ZNF618: variants seen among roughly 807,000 people sequenced by gnomAD.
ZNF618 encodes the protein neural precursor cell expressed, developmentally down-regulated 10.
In ZNF618, 34 loss-of-function variants were observed where a neutral mutation model predicts 103.0. The observed-to-expected ratio is 0.33, with a 90% confidence interval of 0.25 to 0.44. ZNF618 has a LOEUF of 0.44. Ranked by LOEUF, ZNF618 falls within the 20% of genes least tolerant of loss-of-function variation. The pLI, the probability that ZNF618 is intolerant of heterozygous loss-of-function variation, is 1.00. For missense variants in ZNF618, 1,059 were observed against 1,295.4 expected (o/e 0.82, Z 2.80); for synonymous variants, 551 against 542.2 (o/e 1.02, Z -0.23).
intron 1 of ZNF618, among the ~76,000 whole-genome samples, chr9:113,880,944 C>T (rs927319301): frequency 6.6e-6 from 1 of 152,126 alleles, no homozygotes; most frequent in Non-Finnish European, 1.5e-5. Context: ...GTGTCCTGTG[C>T]CACATATTTT....
chr9:113,982,680 C>CA (rs556032539), intron 2 of ZNF618, among the ~76,000 whole-genome samples: 1 of 152,138 alleles, frequency 6.6e-6, no homozygotes, highest in Non-Finnish European at 1.5e-5. Context: ...ATACATCAGG[C>CA]AAAAAGCAAA....
chr9:113,952,503 C>T (rs1174963543), intron 1 of ZNF618, among the ~76,000 whole-genome samples: 1 of 152,188 alleles, frequency 6.6e-6, no homozygotes, highest in Non-Finnish European at 1.5e-5. Flanking sequence ...TTTGGGGGTG[C>T]AGTCTGACTC....
At chr9:114,031,588 A>G (rs903190030) in intron 11 of ZNF618, among the ~76,000 whole-genome samples, 19 of 152,350 alleles carry the variant, frequency 1.2e-4, no homozygotes, top group Non-Finnish European at 1.0e-4. Flanking sequence ...TGCATTCTCA[A>G]GATCACCAAT....
chr9:114,043,742 C>A (rs1845417712), intron 13 of ZNF618, among the ~76,000 whole-genome samples: 1 of 152,154 alleles, frequency 6.6e-6, no homozygotes, highest in Admixed American at 6.5e-5. Flanking sequence ...TATGGCCATT[C>A]TTGCAGGAGT....
intron 13 of ZNF618, among the ~76,000 whole-genome samples, chr9:114,040,196 G>A (rs564290329): frequency 1.3e-5 from 2 of 152,316 alleles, no homozygotes; most frequent in Admixed American, 1.3e-4. Flanking sequence ...CTAGCACTTT[G>A]GATGGAAGAG....
intron 2 of ZNF618, among the ~76,000 whole-genome samples, chr9:113,979,651 A>G (rs1037233631): frequency 6.6e-6 from 1 of 152,250 alleles, no homozygotes; most frequent in Non-Finnish European, 1.5e-5. Context: ...CTCCAGTGCC[A>G]TGCTGGCATT....
intron 1 of ZNF618, among the ~76,000 whole-genome samples, chr9:113,915,717 G>A (rs1832007618): frequency 6.6e-6 from 1 of 152,100 alleles, no homozygotes; most frequent in Non-Finnish European, 1.5e-5. Flanking sequence ...GGTTTCTGGG[G>A]GAAGGAGGAA....
At chr9:113,969,961 T>C (rs964048218) in intron 2 of ZNF618, among the ~76,000 whole-genome samples, 3 of 152,076 alleles carry the variant, frequency 2.0e-5, no homozygotes, top group African/African-American at 7.2e-5. Flanking sequence ...GAGGGTCAGA[T>C]TGTGAATGCC....
chr9:113,890,557 C>A (rs1829524966), intron 1 of ZNF618, among the ~76,000 whole-genome samples: 1 of 152,180 alleles, frequency 6.6e-6, no homozygotes, highest in Admixed American at 6.5e-5. Flanking sequence ...ATTGTTATAA[C>A]CTACTCTGTG....
intron 2 of ZNF618, among the ~76,000 whole-genome samples, chr9:113,970,402 C>T (rs1415053845): frequency 6.6e-6 from 1 of 152,078 alleles, no homozygotes; most frequent in Non-Finnish European, 1.5e-5. Flanking sequence ...GAATAGAGGC[C>T]ATTATACCAG....
chr9:113,913,509 G>A (rs1196241766), intron 1 of ZNF618, among the ~76,000 whole-genome samples: 4 of 152,256 alleles, frequency 2.6e-5, no homozygotes, highest in Non-Finnish European at 5.9e-5. Flanking sequence ...CCCTACCCTT[G>A]GAGGTATGAA....
intron 1 of ZNF618, among the ~76,000 whole-genome samples, chr9:113,903,176 A>T (rs145955303): frequency 6.6e-6 from 1 of 152,160 alleles, no homozygotes. Flanking sequence ...TGGTTTTTCA[A>T]TTTTTAACTT....
At chr9:113,881,623 C>T (rs1828533989) in intron 1 of ZNF618, among the ~76,000 whole-genome samples, 2 of 152,336 alleles carry the variant, frequency 1.3e-5, no homozygotes, top group South Asian at 4.1e-4. Flanking sequence ...TCAGCAGCCA[C>T]ATGTGGCTGG....
chr9:113,958,055 G>A (rs1836484463), intron 1 of ZNF618, among the ~76,000 whole-genome samples: 2 of 151,934 alleles, frequency 1.3e-5, no homozygotes, highest in Non-Finnish European at 2.9e-5. Flanking sequence ...GATTAACTGT[G>A]ACTGGAAAGA....
intron 1 of ZNF618, among the ~76,000 whole-genome samples, chr9:113,954,400 T>A (rs1393954680): frequency 6.6e-6 from 1 of 152,172 alleles, no homozygotes; most frequent in African/African-American, 2.4e-5. Flanking sequence ...AGTTACAATA[T>A]GCTAGAAGGA....
chr9:113,995,917 G>A (rs976377712), intron 3 of ZNF618, among the ~76,000 whole-genome samples: 2 of 152,164 alleles, frequency 1.3e-5, no homozygotes, highest in African/African-American at 4.8e-5. Flanking sequence ...GTGGCACAAG[G>A]GTGAAGGTGA....
chr9:113,925,385 T>G (rs1342257372), intron 1 of ZNF618, among the ~76,000 whole-genome samples: 3 of 151,844 alleles, frequency 2.0e-5, no homozygotes, highest in African/African-American at 4.8e-5. Flanking sequence ...AATCCAAATA[T>G]ATCTGCATTT....
At chr9:113,934,001 C>T (rs1173949344) in intron 1 of ZNF618, among the ~76,000 whole-genome samples, 1 of 151,852 alleles carries the variant, frequency 6.6e-6, no homozygotes, top group Non-Finnish European at 1.5e-5. Context: ...AGGGTGTTAC[C>T]TGGGAGCAGG....
intron 1 of ZNF618, among the ~76,000 whole-genome samples, chr9:113,897,058 A>G (rs986398501): frequency 3.9e-5 from 6 of 152,074 alleles, no homozygotes; most frequent in Non-Finnish European, 7.4e-5. Context: ...AATAGCTACT[A>G]TGTATTTCTT....
Sources: allele counts gnomAD v4.1 joint callset (sites outside exome capture counted in the v4.1 genomes callset), GRCh38; gene constraint gnomAD v4.1.1; transcripts MANE v1.5; gene names NCBI Gene and HGNC (gene_info 2026-07-23, HGNC 2026-07-21).